Variants in TUSC3 observed in about 807,000 individuals in gnomAD.
TUSC3 encodes tumor suppressor candidate 3.
TUSC3 carries 45 observed loss-of-function variants against 44.8 expected under a neutral mutation model. The ratio of observed to expected loss-of-function variants is 1.00; its 90% CI spans 0.79 to 1.29. The LOEUF (loss-of-function observed/expected upper bound fraction) is 1.29. Among genes scored for constraint, TUSC3 ranks in the 50% most tolerant of loss-of-function variants. The pLI is 0.00. For missense variants in TUSC3, 519 were observed against 437.9 expected (o/e 1.19, Z -1.65); for synonymous variants, 212 against 152.9 (o/e 1.39, Z -2.85).
At chr8:15,658,629 C>T (rs1374508737) in intron 3 of TUSC3, among the ~76,000 whole-genome samples, 3 of 120,124 alleles carry the variant, frequency 2.5e-5, no homozygotes, top group Non-Finnish European at 3.5e-5. Flanking sequence ...TGTATATATA[C>T]ACATATATAT....
intron 2 of TUSC3, among the ~76,000 whole-genome samples, chr8:15,512,704 G>A (rs1801154433): frequency 6.6e-6 from 1 of 151,480 alleles, no homozygotes; most frequent in Non-Finnish European, 1.5e-5. Context: ...ACCCGGGAGG[G>A]AGAGGTTGCA....
intron 4 of TUSC3, among the ~76,000 whole-genome samples, chr8:15,659,868 A>G (rs1309515387): frequency 6.6e-6 from 1 of 152,150 alleles, no homozygotes; most frequent in Non-Finnish European, 1.5e-5. Flanking sequence ...CATTAAAAAT[A>G]CAGGAGTTAA....
chr8:15,851,436 C>T, the TUSC3 span, among the ~76,000 whole-genome samples: 1 of 152,140 alleles, frequency 6.6e-6, no homozygotes, highest in Non-Finnish European at 1.5e-5. Context: ...CATAAAATTA[C>T]AGTGAATTAT....
At chr8:15,555,339 G>C (rs1358590573) in intron 1 of TUSC3, among the ~76,000 whole-genome samples, 1 of 122,922 alleles carries the variant, frequency 8.1e-6, no homozygotes, top group Non-Finnish European at 1.6e-5. Context: ...CTGTTGCCCA[G>C]GCTGGAGTGC....
At chr8:15,792,772 C>A in the TUSC3 span, among the ~76,000 whole-genome samples, 2 of 151,958 alleles carry the variant, frequency 1.3e-5, no homozygotes. Context: ...TGCATCACCA[C>A]CACAACCAGG....
intron 2 of TUSC3, among the ~76,000 whole-genome samples, chr8:15,645,623 A>G (rs986732447): frequency 6.6e-6 from 1 of 152,134 alleles, no homozygotes; most frequent in African/African-American, 2.4e-5. Context: ...TGCAGTACAT[A>G]TGAAAATGTT....
At chr8:15,678,170 A>G (rs1808270595) in intron 6 of TUSC3, among the ~76,000 whole-genome samples, 1 of 152,194 alleles carries the variant, frequency 6.6e-6, no homozygotes, top group African/African-American at 2.4e-5. Context: ...GCTGAGGTAT[A>G]TATACGCCAG....
intron 10 of TUSC3, chr8:15,758,252 G>A: frequency 9.1e-6 from 9 of 985,202 alleles, no homozygotes; most frequent in Non-Finnish European, 1.1e-5. Context: ...ATATTCAAGG[G>A]TAATAAAAAA....
intron 1 of TUSC3, among the ~76,000 whole-genome samples, chr8:15,544,134 G>A (rs1249431986): frequency 6.6e-6 from 1 of 152,016 alleles, no homozygotes; most frequent in Non-Finnish European, 1.5e-5. Flanking sequence ...ACTGATTTTT[G>A]AATCCTCACT....
chr8:15,698,419 T>G (rs1490200411), intron 6 of TUSC3, among the ~76,000 whole-genome samples: 1 of 152,226 alleles, frequency 6.6e-6, no homozygotes, highest in Non-Finnish European at 1.5e-5. Context: ...GTTTGAGACT[T>G]GATTTTCAGT....
At position 15,559,340 on chromosome 8, in the gene TUSC3, T is replaced by C. The variant is rs914454643; in HGVS notation, c.138+18772T>C. 9.4e-5 allele frequency among the ~76,000 whole-genome samples: 14 copies of C among 148,192 alleles called. 2 individuals are homozygous for C. Among genetic ancestry groups the C allele is most frequent in the African/African-American group, 7.4e-5 (3 of 40,498 alleles). On this transcript the variant is annotated intron_variant, in intron 1 of 10. Coordinates refer to ENST00000503731, the MANE Select transcript of TUSC3 (RefSeq NM_006765.4). The stretch of plus-strand genomic sequence containing the variant: ...GAGTGAGATTCTTAACCCTGAGTTC[T>C]AGTTTGATTGCACTGTGGTCTGACA...
intron 1 of TUSC3, among the ~76,000 whole-genome samples, chr8:15,429,472 T>C (rs1479307956): frequency 1.3e-5 from 2 of 150,882 alleles, no homozygotes; most frequent in South Asian, 2.1e-4. Context: ...TGGTTCCATA[T>C]GAACTTCAAA....
At chr8:15,837,262 C>A in the TUSC3 span, among the ~76,000 whole-genome samples, 3 of 151,906 alleles carry the variant, frequency 2.0e-5, no homozygotes, top group Non-Finnish European at 4.4e-5. Context: ...TAACTGAAAT[C>A]ATTCAGTTTT....
chr8:15,435,931 A>T (rs1300713438), intron 1 of TUSC3, among the ~76,000 whole-genome samples: 1 of 152,122 alleles, frequency 6.6e-6, no homozygotes, highest in Non-Finnish European at 1.5e-5. Flanking sequence ...TCTGTTGGTT[A>T]GGGTTTTGGA....
chr8:15,554,936 T>C (rs1227762738), intron 1 of TUSC3, among the ~76,000 whole-genome samples: 1 of 151,218 alleles, frequency 6.6e-6, no homozygotes, highest in Non-Finnish European at 1.5e-5. Context: ...ATAGCTACTG[T>C]GGAAATAGGT....
chr8:15,426,950 AT>A (rs1225808210), intron 1 of TUSC3, among the ~76,000 whole-genome samples: 1 of 152,090 alleles, frequency 6.6e-6, no homozygotes, highest in Non-Finnish European at 1.5e-5. Flanking sequence ...TTTCATTTGC[AT>A]TTCCCTGAGC....
At chr8:15,756,693 A>G (rs1185816322) in intron 9 of TUSC3, among the ~76,000 whole-genome samples, 2 of 152,184 alleles carry the variant, frequency 1.3e-5, no homozygotes, top group African/African-American at 4.8e-5. Flanking sequence ...TGCAACTGGA[A>G]CCATTAAAAT....
intron 2 of TUSC3, among the ~76,000 whole-genome samples, chr8:15,498,807 C>T (rs1463084627): frequency 1.3e-5 from 2 of 152,120 alleles, no homozygotes; most frequent in African/African-American, 4.8e-5. Flanking sequence ...TTTCAGCCAC[C>T]ACCAGAGGCA....
At chr8:15,692,015 A>C (rs1194518882) in intron 6 of TUSC3, among the ~76,000 whole-genome samples, 1 of 152,148 alleles carries the variant, frequency 6.6e-6, no homozygotes, top group East Asian at 1.9e-4. Context: ...TCTTGGCCTC[A>C]AGTGATCCAC....
Sources: allele counts gnomAD v4.1 joint callset (sites outside exome capture counted in the v4.1 genomes callset), GRCh38; gene constraint gnomAD v4.1.1; transcripts MANE v1.5; gene names NCBI Gene and HGNC (gene_info 2026-07-23, HGNC 2026-07-21).